The following MYH11 variants were observed in gnomAD, a reference collection of about 807,000 sequenced individuals.
The protein encoded by MYH11 is myosin heavy chain 11, also known as myosin-11.
MYH11 carries 80 observed loss-of-function variants against 246.6 expected under a neutral mutation model. That is an observed-to-expected ratio of 0.32 (90% confidence interval 0.27 to 0.39). MYH11 has a LOEUF of 0.39. Among genes scored for constraint, MYH11 ranks in the 10% least tolerant of loss-of-function variants. MYH11 has a pLI of 1.00. For synonymous variants in MYH11, 1,071 were observed against 1,015.5 expected (o/e 1.05, Z -1.04); for missense variants, 2,158 against 2,546.8 (o/e 0.85, Z 3.29).
At chr16:15,751,107 AC>A (rs1465276607) in intron 15 of MYH11, among the ~76,000 whole-genome samples, 1 of 149,302 alleles carries the variant, frequency 6.7e-6, no homozygotes, top group Non-Finnish European at 1.5e-5. Flanking sequence ...TAAGTGCTCA[AC>A]AAAAAGTAGG....
chr16:15,840,041 A>G (rs1435428472), intron 1 of MYH11, among the ~76,000 whole-genome samples: 1 of 152,086 alleles, frequency 6.6e-6, no homozygotes, highest in Non-Finnish European at 1.5e-5. Flanking sequence ...ACAGAGTGAG[A>G]CGCTGTCTCA....
intron 40 of MYH11, among the ~76,000 whole-genome samples, chr16:15,708,607 G>C (rs1243582397): frequency 6.6e-6 from 1 of 152,242 alleles, no homozygotes; most frequent in Non-Finnish European, 1.5e-5. Context: ...AGTGGGTCAA[G>C]AGATGAGGTC....
intron 9 of MYH11, among the ~76,000 whole-genome samples, chr16:15,767,940 T>A (rs1359147239): frequency 8.6e-5 from 12 of 139,510 alleles, no homozygotes; most frequent in East Asian, 2.3e-4. Flanking sequence ...AAAAAAAATT[T>A]TTTTTTTTTA....
Position 15,750,268 on chromosome 16 carries a change from G to A in MYH11, c.1928C>T (p.Ser643Phe). The change falls in exon 16 of 41, where the codon TCC (serine) becomes TTC (phenylalanine). Residue 643 changes from serine to phenylalanine, a missense_variant. Coordinates refer to ENST00000300036, the MANE Select transcript of MYH11 (RefSeq NM_002474.3). The surrounding 1 kb of genome is among the most constrained non-coding windows in gnomAD (Gnocchi z 4.3). Reference protein sequence around the residue: ...KMTESSLPSASKTKKGMFRTV... With the variant: ...KMTESSLPSAFKTKKGMFRTV... ...GCGGAACATGCCCTTCTTGGTCTTG[G>A]AGGCGCTGGGCAGCGAGCTCTCCGT... The A allele has an allele frequency of 6.2e-7, 1 of 1,614,090 alleles. No individual in the cohort carries two copies. Among genetic ancestry groups the A allele is most frequent in the Non-Finnish European group, 8.5e-7 (1 of 1,180,004 alleles).
intron 2 of MYH11, among the ~76,000 whole-genome samples, chr16:15,836,189 C>T (rs1045308687): frequency 2.6e-5 from 4 of 152,014 alleles, no homozygotes; most frequent in Admixed American, 6.6e-5. Flanking sequence ...GTGACCTCTG[C>T]ACATCAGTCT....
intron 3 of MYH11, among the ~76,000 whole-genome samples, chr16:15,804,211 C>T (rs2042956163): frequency 1.3e-5 from 2 of 152,104 alleles, no homozygotes; most frequent in South Asian, 4.1e-4. Context: ...GTAAAATTTA[C>T]ACTACATAAA....
Position 15,724,307 on chromosome 16 carries a change from G to T in MYH11, c.4219C>A (p.Gln1407Lys). The T allele has an allele frequency of 6.2e-7, 1 of 1,614,168 alleles. No individual in the cohort carries two copies. ...TAAGCGGCCGCCTTCTCCTCGTACT[G>T]CTGGGTGAGGTTCTCGATCTCCTTC... ...FQKEIENLTQ[Q>K]YEEKAAAYDK... Residue 1407 changes from glutamine (Q) to lysine (K), a missense_variant, in exon 31 of 41, where the codon CAG (glutamine) becomes AAG (lysine). This residue lies in a region of MYH11 where 1,013 missense variants were observed against 993.5 expected (regional missense o/e 1.02). Coordinates refer to ENST00000300036, the MANE Select transcript of MYH11 (RefSeq NM_002474.3).
At chr16:15,773,242 G>A (rs2042145669) in intron 8 of MYH11, among the ~76,000 whole-genome samples, 1 of 151,406 alleles carries the variant, frequency 6.6e-6, no homozygotes, top group East Asian at 1.9e-4. Flanking sequence ...TCCTGCTATG[G>A]TAGGCAAAAA....
intron 3 of MYH11, among the ~76,000 whole-genome samples, chr16:15,807,951 A>G (rs1183819299): frequency 6.6e-6 from 1 of 152,206 alleles, no homozygotes; most frequent in East Asian, 1.9e-4. Context: ...TAGGCTGACC[A>G]TAAAAGGAGA....
chr16:15,747,827 G>C lies in MYH11; in HGVS notation c.2250+47C>G, dbSNP rs765603229. 9 of 1,613,146 alleles carry C rather than the reference G, an allele frequency of 5.6e-6. No individual in the cohort carries two copies. The South Asian group carries it at 9.9e-5, about 18-fold the overall frequency. Reference sequence around the variant, plus strand: ...ACGGTCCCACCAAGAGCAGCAGGTGGCTTGCGGCCAGAGGTTGGGAGGTCT... The same window carrying C: ...ACGGTCCCACCAAGAGCAGCAGGTGCCTTGCGGCCAGAGGTTGGGAGGTCT... On this transcript the variant is annotated intron_variant, in intron 18 of 40. Coordinates refer to ENST00000300036, the MANE Select transcript of MYH11 (RefSeq NM_002474.3).
intron 4 of MYH11, among the ~76,000 whole-genome samples, chr16:15,793,940 C>A (rs1400563213): frequency 2.1e-5 from 2 of 93,868 alleles, no homozygotes; most frequent in Non-Finnish European, 4.1e-5. Flanking sequence ...AGTTTCTTTT[C>A]TTTTCTTTTT....
chr16:15,853,553 G>A (rs1425962878), intron 1 of MYH11, among the ~76,000 whole-genome samples: 2 of 152,154 alleles, frequency 1.3e-5, no homozygotes, highest in Non-Finnish European at 2.9e-5. Context: ...CAGCCACTGT[G>A]AGCAGCTTCT....
rs534260304 is a variant in MYH11 at position 15,758,081 on chromosome 16, G to A, written c.1402-81C>T. 37 of 1,599,608 alleles carry A rather than the reference G, an allele frequency of 2.3e-5. 1 individual carries two copies. Among genetic ancestry groups the A allele is most frequent in the African/African-American group, 1.1e-4 (8 of 74,564 alleles). ...AAGGAGCCCCACAGAAGCTCCACCC[G>A]ACAGCGCCCCCATGGCCCGCCCACA... On this transcript the variant is annotated intron_variant, in intron 12 of 40. Coordinates refer to ENST00000300036, the MANE Select transcript of MYH11 (RefSeq NM_002474.3).
At chr16:15,728,899 C>CA (rs371840626) in intron 27 of MYH11, among the ~76,000 whole-genome samples, 1,509 of 145,166 alleles carry the variant, frequency 0.01, 13 homozygotes, top group African/African-American at 0.035. Flanking sequence ...GACTTTGTCT[C>CA]AAAAAAAAAA....
chr16:15,726,614 C>A, intron 28 of MYH11: 1 of 598,828 alleles, frequency 1.7e-6, no homozygotes, highest in East Asian at 2.9e-5. Flanking sequence ...GTGATCCACC[C>A]ACCTCTGTCT....
At chr16:15,724,111 C>G (rs1395977197) in intron 31 of MYH11, 50 bp downstream of exon 31, 2 of 1,609,862 alleles carry the variant, frequency 1.2e-6, no homozygotes, top group East Asian at 2.2e-5. Context: ...AGAGCTGATT[C>G]CCCAACCCAG....
At chr16:15,771,859 G>A (rs993498193) in intron 8 of MYH11, 147 bp from the exon 9 acceptor site, 171 of 1,021,246 alleles carry the variant, frequency 1.7e-4, no homozygotes, top group Middle Eastern at 1.6e-3. Flanking sequence ...GCATCGTCAC[G>A]TAGACAGCCT....
At chr16:15,819,202 A>G (rs1567197567) in intron 3 of MYH11, among the ~76,000 whole-genome samples, 1 of 152,196 alleles carries the variant, frequency 6.6e-6, no homozygotes, top group Non-Finnish European at 1.5e-5. Context: ...GGAGCTTACT[A>G]TGTGTCAAGT....
rs752996609 is a variant in MYH11 at position 15,718,341 on chromosome 16, C to T, written c.5269G>A (p.Asp1757Asn). Residue 1757 changes from aspartate (D) to asparagine (N), a missense_variant, in exon 37 of 41, where the codon GAC (aspartate) becomes AAC (asparagine). Asp to Asn is a conservative substitution (Grantham distance 23, BLOSUM62 1). This residue lies in a region of MYH11 where 1,013 missense variants were observed against 993.5 expected (regional missense o/e 1.02). Transcript: ENST00000300036. ...TGCTGTGTGGCTTTGCGGACCCGGT[C>T]GCTCATGGCCTCCATGTTGCCCTGC... ...EEQGNMEAMS[D>N]RVRKATQQAE... 4.4e-5 allele frequency: 70 copies of T among 1,608,918 alleles called. No individual in the cohort carries two copies. In the African/African-American group the frequency reaches 5.1e-4, roughly 12 times the overall value.
Sources: allele counts gnomAD v4.1 joint callset (sites outside exome capture counted in the v4.1 genomes callset), GRCh38; gene constraint gnomAD v4.1.1; regional missense constraint gnomAD v4.1.1; non-coding constraint Gnocchi (gnomAD v3.1); transcripts MANE v1.5; gene names NCBI Gene and HGNC (gene_info 2026-07-23, HGNC 2026-07-21).